Variants in RIMS2 observed in about 807,000 individuals in gnomAD.
The protein encoded by RIMS2 is regulating synaptic membrane exocytosis protein 2.
In RIMS2, 59 loss-of-function variants were observed where a neutral mutation model predicts 174.4. That is an observed-to-expected ratio of 0.34 (90% CI 0.27 to 0.42). RIMS2 has a LOEUF of 0.42. Among genes scored for constraint, RIMS2 ranks in the 10% least tolerant of loss-of-function variants. The probability of loss-of-function intolerance (pLI) is 1.00; values close to 1 mark genes in which losing one functional copy is unlikely to be tolerated. For synonymous variants in RIMS2, 606 were observed against 572.5 expected, an observed-to-expected ratio of 1.06 and a Z score of -0.84; for missense variants, 1,620 against 1,666.3, an observed-to-expected ratio of 0.97 and a Z score of 0.48.
At chr8:104,233,688 T>C (rs1245695869) in intron 19 of RIMS2, among the ~76,000 whole-genome samples, 1 of 152,208 alleles carries the variant, frequency 6.6e-6, no homozygotes, top group East Asian at 1.9e-4. Flanking sequence ...TGTTATCTTA[T>C]GGGTTCAACA....
At chr8:104,212,636 C>T (rs2099110496) in intron 19 of RIMS2, among the ~76,000 whole-genome samples, 2 of 152,112 alleles carry the variant, frequency 1.3e-5, no homozygotes, top group Non-Finnish European at 2.9e-5. Flanking sequence ...TCATTCTTAA[C>T]TAAAACTAAA....
intron 2 of RIMS2, among the ~76,000 whole-genome samples, chr8:103,730,876 A>G (rs1006021126): frequency 2.0e-5 from 3 of 152,178 alleles, no homozygotes; most frequent in African/African-American, 7.2e-5. Context: ...TGTTGCTGAT[A>G]AATGCATATC....
At chr8:103,802,857 G>A (rs1360684588) in intron 3 of RIMS2, among the ~76,000 whole-genome samples, 3 of 152,136 alleles carry the variant, frequency 2.0e-5, no homozygotes, top group African/African-American at 7.2e-5. Flanking sequence ...TCACCTCGAG[G>A]GGGAGTTGGA....
chr8:103,780,482 A>C (rs993483466), intron 3 of RIMS2, among the ~76,000 whole-genome samples: 1 of 152,074 alleles, frequency 6.6e-6, no homozygotes, highest in South Asian at 2.1e-4. Context: ...GCTTGTCTTC[A>C]AGCTCTCCGA....
rs188315007 is a variant in RIMS2, at chr8:103,947,869, G to A, written c.2701+4943G>A. On this transcript the variant is annotated intron_variant, in intron 14 of 23. Transcript: ENST00000504942. Reference sequence around the variant, plus strand: ...AGCTCCATCATAATTGTATGGGACCGCTATCTTATATACAGTTAGTTGTTT... The same window carrying A: ...AGCTCCATCATAATTGTATGGGACCACTATCTTATATACAGTTAGTTGTTT... Among the ~76,000 whole-genome samples, 41 of 152,214 alleles carry A rather than the reference G, an allele frequency of 2.7e-4. No individual in the cohort carries two copies. In the East Asian group the frequency reaches 4.4e-3, roughly 16 times the overall value.
chr8:103,787,015 C>A (rs1171094628), intron 3 of RIMS2, among the ~76,000 whole-genome samples: 1 of 150,542 alleles, frequency 6.6e-6, no homozygotes, highest in Admixed American at 6.6e-5. Context: ...GATCCCTTTA[C>A]CATTATGTAA....
rs1367361461 is a variant in RIMS2 at position 103,546,253 on chromosome 8, CT to C, written c.176+45194del. On this transcript the variant is annotated intron_variant, in intron 1 of 23. Transcript: ENST00000504942. ...CTATTCTAATTTCAGACAAAACAGA[CT>C]TTAACCCAACAATGATTTAAGAGAC... Among the ~76,000 whole-genome samples the C allele has an allele frequency of 2.0e-5, 3 of 152,276 alleles. No individual in the cohort carries two copies. In the South Asian group the frequency reaches 6.2e-4, roughly 32 times the overall value.
At chr8:103,643,568 G>C (rs553806833) in intron 1 of RIMS2, among the ~76,000 whole-genome samples, 6 of 152,234 alleles carry the variant, frequency 3.9e-5, no homozygotes, top group Non-Finnish European at 8.8e-5. Context: ...TGTGTTTACT[G>C]TTTATTGTAG....
chr8:103,561,491 G>A (rs1242043939), intron 1 of RIMS2, among the ~76,000 whole-genome samples: 1 of 152,002 alleles, frequency 6.6e-6, no homozygotes, highest in Non-Finnish European at 1.5e-5. Context: ...TATGACAGTG[G>A]TAGAAGTCAA....
chr8:103,635,533 G>A (rs762820149), intron 1 of RIMS2, among the ~76,000 whole-genome samples: 23 of 152,224 alleles, frequency 1.5e-4, no homozygotes, highest in Admixed American at 1.3e-3. Flanking sequence ...TCCAGAACCT[G>A]GAGGTGTCAC....
rs1432088561 is a variant in RIMS2 at position 103,709,036 on chromosome 8, T to G, written c.387+11740T>G. Among the ~76,000 whole-genome samples the G allele has an allele frequency of 2.6e-5, 4 of 152,294 alleles. No homozygotes were observed. In the East Asian group the frequency reaches 7.7e-4, roughly 29 times the overall value. ...TAATGTGCATTCAAGTTTACTGGTC[T>G]TTCCTTCTGCAATGTCAAATCTGCT... On this transcript the variant is annotated intron_variant, in intron 2 of 23. Transcript: ENST00000504942.
chr8:103,752,437 CTT>C (rs1379907278), intron 2 of RIMS2, among the ~76,000 whole-genome samples: 1 of 152,000 alleles, frequency 6.6e-6, no homozygotes, highest in African/African-American at 2.4e-5. Context: ...GATGCGGGCT[CTT>C]TTTTGGTTCC....
chr8:104,066,361 T>C (rs2097104971), intron 19 of RIMS2, among the ~76,000 whole-genome samples: 1 of 150,230 alleles, frequency 6.7e-6, no homozygotes, highest in African/African-American at 2.5e-5. Context: ...TGTTTCTACG[T>C]ATATATTTAT....
At chr8:104,114,704 T>G (rs2098250686) in intron 19 of RIMS2, among the ~76,000 whole-genome samples, 1 of 151,982 alleles carries the variant, frequency 6.6e-6, no homozygotes, top group African/African-American at 2.4e-5. Context: ...ATTGCCTTTT[T>G]TTTTGTATTG....
intron 1 of RIMS2, among the ~76,000 whole-genome samples, chr8:103,664,449 C>T (rs2096643464): frequency 6.6e-6 from 1 of 152,124 alleles, no homozygotes; most frequent in African/African-American, 2.4e-5. Context: ...ACAACAACCA[C>T]ATCAAAAAGT....
At chr8:103,791,983 C>G (rs1275992434) in intron 3 of RIMS2, among the ~76,000 whole-genome samples, 1 of 152,152 alleles carries the variant, frequency 6.6e-6, no homozygotes, top group African/African-American at 2.4e-5. Context: ...GACACTTTAA[C>G]ACCCCACTGT....
intron 2 of RIMS2, among the ~76,000 whole-genome samples, chr8:103,699,587 T>A (rs2097145706): frequency 6.6e-6 from 1 of 152,142 alleles, no homozygotes. Flanking sequence ...GATCTTTTTT[T>A]CTTTTTTCGT....
chr8:103,516,967 T>C (rs1308632488), intron 1 of RIMS2, among the ~76,000 whole-genome samples: 3 of 152,294 alleles, frequency 2.0e-5, no homozygotes, highest in Admixed American at 2.0e-4. Flanking sequence ...AAGATAATGA[T>C]TGTTTTTGAT....
chr8:103,913,083 C>T (rs112950272), intron 6 of RIMS2, among the ~76,000 whole-genome samples: 4,610 of 150,336 alleles, frequency 0.031, 225 homozygotes, highest in African/African-American at 0.1. Flanking sequence ...AGTGATTCTC[C>T]TGCCTCAGCC....
Sources: gnomAD v4.1 joint callset for allele counts (sites outside exome capture counted in the v4.1 genomes callset) on GRCh38, gnomAD v4.1.1 for gene constraint, MANE v1.5 for transcripts, NCBI Gene and HGNC (gene_info 2026-07-23, HGNC 2026-07-21) for gene names.